The following PI4KA variants were observed in gnomAD, a reference collection of about 807,000 sequenced individuals.
The protein encoded by PI4KA is phosphatidylinositol 4-kinase alpha, also known as PI4-kinase alpha.
PI4KA carries 122 observed loss-of-function variants against 271.4 expected under a neutral mutation model. That is an observed-to-expected ratio of 0.45 (90% CI 0.39 to 0.52). The LOEUF (loss-of-function observed/expected upper bound fraction) is 0.52, where lower values mean the gene tolerates loss of function less well. PI4KA is among the 20% of genes least tolerant of loss of function. The pLI is 0.00. For synonymous variants in PI4KA, 1,041 were observed against 1,078.8 expected, an observed-to-expected ratio of 0.96 and a Z score of 0.69; for missense variants, 1,969 against 2,769.1, an observed-to-expected ratio of 0.71 and a Z score of 6.48.
At chr22:20,849,643 C>T (rs1043610782) in intron 1 of PI4KA, among the ~76,000 whole-genome samples, 1 of 151,856 alleles carries the variant, frequency 6.6e-6, no homozygotes, top group African/African-American at 2.4e-5. Flanking sequence ...ACAACAAGGT[C>T]AGGAGATCAA....
rs371492353 is a variant in PI4KA, at chr22:20,712,516, G to A, written c.5772C>T (p.Tyr1924=). Residue 1924 remains tyrosine (Y), a synonymous_variant, in exon 50 of 55, where the codon TAC becomes TAT. Coordinates refer to ENST00000255882, the MANE Select transcript of PI4KA (RefSeq NM_058004.4). ...GGAAGGCCAGAGTGGACTCATCCCC[G>A]TACTGGCGTGTGAAGTAGTCGTACA... ...FGMYDYFTRQ[Y]GDESTLAFQQ... 4.3e-5 allele frequency: 69 copies of A among 1,604,246 alleles called. No homozygotes were observed. Among genetic ancestry groups the A allele is most frequent in the Admixed American group, 8.6e-5 (5 of 58,332 alleles).
Position 20,727,473 on chromosome 22 carries a change from C to G in PI4KA, c.4774-76G>C, listed in dbSNP as rs1238501670. On this transcript the variant is annotated intron_variant, in intron 40 of 54. Coordinates refer to ENST00000255882, the MANE Select transcript of PI4KA (RefSeq NM_058004.4). ...GGAAATACCTGGTCCACGGGCCACACAAGGACGGCCATGAGAAGTGATGTT... is the reference window on the plus strand; with the variant it reads ...GGAAATACCTGGTCCACGGGCCACAGAAGGACGGCCATGAGAAGTGATGTT... The G allele has an allele frequency of 1.2e-4, 162 of 1,332,910 alleles. No individual in the cohort carries two copies. The South Asian group carries it at 2.2e-3, about 18-fold the overall frequency. 82.6% of individuals were successfully genotyped at this position (1,332,910 alleles called of 1,614,324 possible). A position where few individuals can be genotyped will look rare whatever the true frequency, so the allele number is the denominator to read the frequency against.
chr22:20,770,513 C>CAAAG, intron 19 of PI4KA, among the ~76,000 whole-genome samples: 1 of 13,202 alleles, frequency 7.6e-5, no homozygotes, highest in Non-Finnish European at 1.4e-4. Context: ...AACTCCGTCT[C>CAAAG]AAAAAAAAAA....
At chr22:20,779,672 G>A (rs772369473) in intron 19 of PI4KA, 37 of 1,613,978 alleles carry the variant, frequency 2.3e-5, no homozygotes, top group Admixed American at 2.0e-4. Flanking sequence ...TTCATGGCAA[G>A]AGCCGGATCC....
chr22:20,789,929 G>A (rs1436847937), intron 19 of PI4KA, among the ~76,000 whole-genome samples: 1 of 152,148 alleles, frequency 6.6e-6, no homozygotes, highest in Non-Finnish European at 1.5e-5. Context: ...AAAAGTGACT[G>A]GTGACACAAG....
chr22:20,761,036 G>A (rs1342341495), intron 23 of PI4KA, among the ~76,000 whole-genome samples: 1 of 152,198 alleles, frequency 6.6e-6, no homozygotes, highest in Non-Finnish European at 1.5e-5. Context: ...CCCATCCGAG[G>A]AGCCCTGGTC....
Position 20,813,351 on chromosome 22 carries a change from T to A in PI4KA, c.1005+7A>T, listed in dbSNP as rs779710779. On this transcript the variant is annotated splice_region_variant and intron_variant, in intron 8 of 54. Coordinates refer to ENST00000255882, the MANE Select transcript of PI4KA (RefSeq NM_058004.4). The stretch of plus-strand genomic sequence containing the variant: ...ATGGTCTGTTCATCCATCAGTTCTT[T>A]GCTTACCAGGTTTAAGAGTTCCCGA... 1 of 1,611,406 alleles carries A rather than the reference T, an allele frequency of 6.2e-7. No homozygotes were observed. The highest frequency in any genetic ancestry group is 1.7e-5 in the Admixed American group (1 of 59,998).
intron 19 of PI4KA, chr22:20,774,217 T>C (rs1482722901): frequency 6.6e-6 from 1 of 152,220 alleles, no homozygotes; most frequent in Non-Finnish European, 1.5e-5. Flanking sequence ...AACTGGTTCA[T>C]TTTTCTAGCA....
rs1358810526 is a variant in PI4KA, at chr22:20,727,330, G to A, written c.4841C>T (p.Pro1614Leu). ...GGAGAGGCCTGTGGGTGGGTCCGTG[G>A]GCGCCCAGCACAGCACATGGCTGAG... ...PELSHVLCWA[P>L]TDPPTGLSYF... Residue 1614 changes from proline to leucine, a missense_variant, in exon 41 of 55, where the codon CCC becomes CTC. This residue lies in a region of PI4KA where 388 missense variants were observed against 521.5 expected (regional missense o/e 0.74). Coordinates refer to ENST00000255882, the MANE Select transcript of PI4KA (RefSeq NM_058004.4). The A allele has an allele frequency of 6.2e-7, 1 of 1,613,306 alleles. No individual in the cohort carries two copies. Among genetic ancestry groups the A allele is most frequent in the African/African-American group, 1.3e-5 (1 of 75,010 alleles).
intron 27 of PI4KA, among the ~76,000 whole-genome samples, chr22:20,750,959 A>C (rs1219196802): frequency 6.6e-6 from 1 of 152,216 alleles, no homozygotes; most frequent in Non-Finnish European, 1.5e-5. Flanking sequence ...TCCACCTGAA[A>C]ATCATGCTTG....
rs1423932164 is a variant in PI4KA, at chr22:20,843,667, G to A, written c.157-4936C>T. On this transcript the variant is annotated intron_variant, in intron 1 of 54. Coordinates refer to ENST00000255882, the MANE Select transcript of PI4KA (RefSeq NM_058004.4). ...GGTTGCACAGATGCAACCAGCAAAC[G>A]TTCACTTTCAGGCAGGCCATGTGTT... Among the ~76,000 whole-genome samples, 6 of 152,270 alleles carry A rather than the reference G, an allele frequency of 3.9e-5. No individual in the cohort carries two copies. The East Asian group carries it at 9.6e-4, about 24-fold the overall frequency.
intron 3 of PI4KA, among the ~76,000 whole-genome samples, chr22:20,834,034 G>A (rs1296433373): frequency 1.3e-5 from 2 of 152,106 alleles, no homozygotes; most frequent in Non-Finnish European, 2.9e-5. Context: ...AATTACAGGA[G>A]TGAGCCACCA....
intron 43 of PI4KA, among the ~76,000 whole-genome samples, chr22:20,719,480 C>T (rs568990255): frequency 1.1e-4 from 16 of 152,166 alleles, no homozygotes; most frequent in Middle Eastern, 3.4e-3. Context: ...GCACTCTTGC[C>T]GCATCTAAGG....
chr22:20,763,025 G>GGGGT (rs1932150116), intron 22 of PI4KA, among the ~76,000 whole-genome samples: 1 of 89,444 alleles, frequency 1.1e-5, no homozygotes, highest in African/African-American at 5.5e-5. Context: ...TTTGGGGGGG[G>GGGGT]GGGGGGTTAG....
intron 29 of PI4KA, among the ~76,000 whole-genome samples, chr22:20,746,953 T>C (rs1930181066): frequency 6.6e-6 from 1 of 152,100 alleles, no homozygotes; most frequent in Non-Finnish European, 1.5e-5. Context: ...ACATATCCCA[T>C]CCCATGCTCC....
rs141733319 is a variant in PI4KA, at chr22:20,850,679, C to T, written c.156+7891G>A. Among the ~76,000 whole-genome samples, 1,333 of 151,844 alleles carry T rather than the reference C, an allele frequency of 8.8e-3. 19 individuals are homozygous for T. The highest frequency in any genetic ancestry group is 0.055 in the East Asian group (276 of 5,036). On this transcript the variant is annotated intron_variant, in intron 1 of 54. Transcript: ENST00000255882. Reference sequence around the variant, plus strand: ...GTCTGGATTTCCTGACCTCGTGATCCGCCCGCCTCGGCCTCCCAAAGTGCT... The same window carrying T: ...GTCTGGATTTCCTGACCTCGTGATCTGCCCGCCTCGGCCTCCCAAAGTGCT...
In PI4KA at chr22:20,858,783, G is replaced by T; in HGVS notation, c.-58C>A. The T allele has an allele frequency of 7.3e-7, 1 of 1,366,308 alleles. No individual in the cohort carries two copies. The highest frequency in any genetic ancestry group is 1.6e-5 in the South Asian group (1 of 64,516). The allele number at this position is 1,366,308 out of a possible 1,614,324, so 84.6% of individuals were successfully genotyped here. A position where few individuals can be genotyped will look rare whatever the true frequency, so the allele number is the denominator to read the frequency against. On this transcript the variant is annotated 5_prime_UTR_variant, in exon 1 of 55. Coordinates refer to ENST00000255882, the MANE Select transcript of PI4KA (RefSeq NM_058004.4). ...CCCCGCTCCTGGCCCGCGAGCGCCC[G>T]ACCTCAGGGCGCAGGCGTAGGTGCA...
intron 42 of PI4KA, among the ~76,000 whole-genome samples, chr22:20,723,572 C>G (rs1015332285): frequency 7.6e-5 from 11 of 143,800 alleles, no homozygotes; most frequent in African/African-American, 2.8e-4. Flanking sequence ...GGCTCACGCC[C>G]GTAATCCCAG....
chr22:20,719,786 G>A (rs1475186278), intron 43 of PI4KA, among the ~76,000 whole-genome samples: 1 of 152,040 alleles, frequency 6.6e-6, no homozygotes, highest in African/African-American at 2.4e-5. Flanking sequence ...CAGCACTTTG[G>A]GAGGCCGACG....
Sources: allele counts gnomAD v4.1 joint callset (sites outside exome capture counted in the v4.1 genomes callset), GRCh38; gene constraint gnomAD v4.1.1; regional missense constraint gnomAD v4.1.1; transcripts MANE v1.5; gene names NCBI Gene and HGNC (gene_info 2026-07-23, HGNC 2026-07-21).